The following SEPTIN7 variants were observed in gnomAD, a reference collection of about 807,000 sequenced individuals.
The protein encoded by SEPTIN7 is septin-7.
A neutral mutation model predicts 63.3 loss-of-function variants in SEPTIN7; 10 were observed. The ratio of observed to expected loss-of-function variants is 0.16; its 90% CI spans 0.10 to 0.27. The LOEUF (loss-of-function observed/expected upper bound fraction) is 0.27. SEPTIN7 is among the 10% of genes least tolerant of loss of function. The pLI, the probability that SEPTIN7 is intolerant of heterozygous loss-of-function variation, is 1.00. For missense variants in SEPTIN7, 310 were observed against 521.0 expected, an observed-to-expected ratio of 0.59 and a Z score of 3.94; for synonymous variants, 131 against 165.3, an observed-to-expected ratio of 0.79 and a Z score of 1.59.
At chr7:35,903,924 A>T in intron 13 of SEPTIN7, among the ~76,000 whole-genome samples, 1 of 152,204 alleles carries the variant, frequency 6.6e-6, no homozygotes, top group East Asian at 1.9e-4. Flanking sequence ...AGTGGGGGAA[A>T]AAGAATACCC....
chr7:35,893,759 A>G (rs540163572), intron 11 of SEPTIN7, among the ~76,000 whole-genome samples: 13 of 152,320 alleles, frequency 8.5e-5, no homozygotes, highest in Middle Eastern at 3.4e-3. Flanking sequence ...TGTTACGTCA[A>G]TAGCCCTAGA....
Position 35,812,123 on chromosome 7 carries a change from CAAAACAAAAAAAAAA to C in SEPTIN7, c.61+10869_61+10883del, listed in dbSNP as rs1160381324. 244 of 59,916 alleles carry C rather than the reference CAAAACAAAAAAAAAA, an allele frequency of 4.1e-3. 2 individuals carry two copies. Among genetic ancestry groups the C allele is most frequent in the African/African-American group, 0.017 (228 of 13,518 alleles). 3.7% of individuals were successfully genotyped at this position (59,916 alleles called of 1,614,324 possible). On this transcript the variant is annotated intron_variant, in intron 1 of 13. Transcript: ENST00000350320. ...TGGTGACAGAATGATACTCTGTCTC[CAAAACAAAAAAAAAA>C]AAAACAAAAAAAAAACAGTTTTTAG... is the stretch of plus-strand genomic sequence containing the variant.
chr7:35,885,895 G>A lies in SEPTIN7; in HGVS notation c.872+16G>A. 3.9e-6 allele frequency: 6 copies of A among 1,546,530 alleles called. No homozygotes were observed. Among genetic ancestry groups the A allele is most frequent in the Middle Eastern group, 1.7e-4 (1 of 5,924 alleles). On this transcript the variant is annotated intron_variant, in intron 10 of 13. Transcript: ENST00000350320. The stretch of plus-strand genomic sequence containing the variant: ...TGTTGATAAGGTAAGTGCAAGCAAT[G>A]ATGGAAATAGCATAAGATTTTCTTT...
chr7:35,907,267 G>A (rs926178823), downstream of SEPTIN7, among the ~76,000 whole-genome samples: 1 of 152,110 alleles, frequency 6.6e-6, no homozygotes, highest in African/African-American at 2.4e-5. Flanking sequence ...CCAGTAAATC[G>A]AAGTCCTTTC....
chr7:35,881,752 A>G (rs560447902), intron 7 of SEPTIN7, among the ~76,000 whole-genome samples: 1 of 152,076 alleles, frequency 6.6e-6, no homozygotes, highest in South Asian at 2.1e-4. Flanking sequence ...AAGGATAGGT[A>G]GTTGAAAATT....
intron 1 of SEPTIN7, among the ~76,000 whole-genome samples, chr7:35,828,370 C>T (rs907398148): frequency 3.3e-5 from 5 of 152,032 alleles, no homozygotes; most frequent in East Asian, 1.9e-4. Context: ...GGCTTTGCCT[C>T]GACCCCCTTC....
At chr7:35,909,468 G>A (rs1254339160), downstream of SEPTIN7, among the ~76,000 whole-genome samples, 1 of 152,194 alleles carries the variant, frequency 6.6e-6, no homozygotes, top group Non-Finnish European at 1.5e-5. Flanking sequence ...GTCCTGAAAA[G>A]GAGATAGGTT....
intron 1 of SEPTIN7, among the ~76,000 whole-genome samples, chr7:35,810,410 G>A (rs1055174185): frequency 6.7e-6 from 1 of 149,394 alleles, no homozygotes; most frequent in Non-Finnish European, 1.5e-5. Flanking sequence ...TGCCAGCTCC[G>A]CCTCCCACGT....
Position 35,838,297 on chromosome 7 carries a change from C to T in SEPTIN7, c.169+5397C>T, listed in dbSNP as rs1335901220. Reference sequence around the variant, plus strand: ...CCTTCCTTCCTTCCTTCCTTCCTTCCTTCCTTCCCTCCCTCCCTCCCTCCC... The same window carrying T: ...CCTTCCTTCCTTCCTTCCTTCCTTCTTTCCTTCCCTCCCTCCCTCCCTCCC... On this transcript the variant is annotated intron_variant, in intron 3 of 13. Coordinates refer to ENST00000350320, the MANE Select transcript of SEPTIN7 (RefSeq NM_001788.6). Among the ~76,000 whole-genome samples the T allele has an allele frequency of 4.9e-3, 56 of 11,510 alleles. 3 individuals are homozygous for T. Among genetic ancestry groups the T allele is most frequent in the Non-Finnish European group, 7.0e-3 (46 of 6,550 alleles). 7.6% of individuals were successfully genotyped at this position (11,510 alleles called of 152,430 possible).
At chr7:35,869,763 A>G (rs1225011165) in intron 4 of SEPTIN7, among the ~76,000 whole-genome samples, 2 of 152,190 alleles carry the variant, frequency 1.3e-5, no homozygotes, top group Admixed American at 1.3e-4. Context: ...GGAATCTCAG[A>G]TGCCAAAAGA....
chr7:35,801,647 T>G (rs6967148), intron 1 of SEPTIN7, among the ~76,000 whole-genome samples: 78,818 of 152,094 alleles, frequency 0.52, 23,636 homozygotes, highest in African/African-American at 0.84. Flanking sequence ...GCCCGCCGGC[T>G]TCCGCGGCCC....
intron 3 of SEPTIN7, among the ~76,000 whole-genome samples, chr7:35,845,788 T>G (rs1222030473): frequency 6.6e-6 from 1 of 152,138 alleles, no homozygotes; most frequent in Admixed American, 6.5e-5. Context: ...TATTTAATGT[T>G]AGTGATAGGA....
rs1244420595 is a variant in SEPTIN7 at position 35,880,328 on chromosome 7, C to A, written c.630+388C>A. Among the ~76,000 whole-genome samples, 22 of 147,058 alleles carry A rather than the reference C, an allele frequency of 1.5e-4. 1 individual carries two copies. In the South Asian group the frequency reaches 4.3e-3, roughly 29 times the overall value. The stretch of plus-strand genomic sequence containing the variant: ...GTTTTTATGGGTCTTTATCTCCCCA[C>A]TCCCCATTTTGTCATGGTGCTTTCC... On this transcript the variant is annotated intron_variant, in intron 7 of 13. Transcript: ENST00000350320.
intron 1 of SEPTIN7, among the ~76,000 whole-genome samples, chr7:35,819,008 G>A (rs1385449697): frequency 1.3e-5 from 2 of 151,776 alleles, no homozygotes; most frequent in East Asian, 3.9e-4. Context: ...CCTGTTTTGG[G>A]TTTAGTTTAT....
chr7:35,893,609 G>A (rs1435572711), intron 11 of SEPTIN7, among the ~76,000 whole-genome samples: 2 of 152,110 alleles, frequency 1.3e-5, no homozygotes, highest in South Asian at 2.1e-4. Flanking sequence ...ATGTATCCCC[G>A]TTGTTAAGCA....
chr7:35,814,240 C>T (rs146215396), intron 1 of SEPTIN7, among the ~76,000 whole-genome samples: 81 of 152,136 alleles, frequency 5.3e-4, no homozygotes, highest in Middle Eastern at 3.4e-3. Context: ...ATTTTCACCC[C>T]CAGTGAATAA....
chr7:35,878,987 C>T (rs1786659075), intron 6 of SEPTIN7, among the ~76,000 whole-genome samples: 1 of 151,996 alleles, frequency 6.6e-6, no homozygotes, highest in African/African-American at 2.4e-5. Flanking sequence ...AAGAGAAAGC[C>T]TGGTAGGGAA....
intron 1 of SEPTIN7, among the ~76,000 whole-genome samples, chr7:35,803,870 A>G (rs1346771552): frequency 6.6e-6 from 1 of 152,202 alleles, no homozygotes; most frequent in Non-Finnish European, 1.5e-5. Flanking sequence ...ATACTGTTAA[A>G]TGTAGACCAT....
chr7:35,829,128 CTTTT>C (rs71553032), intron 1 of SEPTIN7, among the ~76,000 whole-genome samples: 18 of 61,068 alleles, frequency 2.9e-4, no homozygotes, highest in South Asian at 1.3e-3. Context: ...CATGGACCTT[CTTTT>C]TTTTTTTTTT....
Sources: gnomAD v4.1 joint callset for allele counts (sites outside exome capture counted in the v4.1 genomes callset) on GRCh38, gnomAD v4.1.1 for gene constraint, MANE v1.5 for transcripts, NCBI Gene and HGNC (gene_info 2026-07-23, HGNC 2026-07-21) for gene names.